The following RIF1 variants were observed in gnomAD, a reference collection of about 807,000 sequenced individuals.
RIF1 encodes the protein telomere-associated protein RIF1.
In RIF1, 45 loss-of-function variants were observed where a neutral mutation model predicts 247.1. The observed-to-expected ratio is 0.18, with a 90% CI of 0.14 to 0.23. RIF1 has a LOEUF of 0.23. RIF1 is among the 10% of genes least tolerant of loss of function. The pLI, the probability that RIF1 is intolerant of heterozygous loss-of-function variation, is 1.00. For synonymous variants in RIF1, 1,087 were observed against 978.8 expected, an observed-to-expected ratio of 1.11 and a Z score of -2.06; for missense variants, 2,967 against 2,862.5, an observed-to-expected ratio of 1.04 and a Z score of -0.83.
At chr2:151,472,979 C>T (rs888972668) in intron 34 of RIF1, among the ~76,000 whole-genome samples, 38 of 152,040 alleles carry the variant, frequency 2.5e-4, no homozygotes, top group Admixed American at 2.5e-3. Context: ...TGGTAGAATT[C>T]GGCTGTGAAT....
At position 151,498,292 on chromosome 2, in the gene RIF1, T is replaced by C. The variant is rs1334326344; in HGVS notation, c.*514-1053T>C. 3.2e-6 allele frequency: 5 copies of C among 1,551,458 alleles called. No individual in the cohort carries two copies. The highest frequency in any genetic ancestry group is 2.4e-5 in the South Asian group (2 of 84,064). On this transcript the variant is annotated intron_variant and NMD_transcript_variant, in intron 10 of 13. Coordinates refer to the RIF1 transcript ENST00000454583. ...AGGTTTTCTTGATTGTGTTTGACTC[T>C]CTGCATCTCAGGAGTGATGGGGATT...
At chr2:151,446,330 C>T in intron 19 of RIF1, 96 bp from the exon 20 acceptor site, 1 of 1,086,026 alleles carries the variant, frequency 9.2e-7, no homozygotes, top group Non-Finnish European at 1.3e-6. Flanking sequence ...CTAAATGTTG[C>T]AGTGTTTTTA....
chr2:151,492,037 C>T, intron 9 of RIF1: 5 of 1,530,636 alleles, frequency 3.3e-6, no homozygotes, highest in Non-Finnish European at 4.5e-6. Context: ...GGTAATGCTA[C>T]TTTTGTTCTT....
At chr2:151,453,579 C>CAAAAAAAAAAAAAAAAAAAAAAAAAA (rs59661470) in intron 21 of RIF1, among the ~76,000 whole-genome samples, 1 of 72,920 alleles carries the variant, frequency 1.4e-5, no homozygotes. Flanking sequence ...GACTCTGTCT[C>CAAAAAAAAAAAAAAAAAAAAAAAAAA]AAAAAAAAAA....
chr2:151,436,833 C>G lies in RIF1; in HGVS notation c.1202C>G (p.Ser401Cys). 6.4e-7 allele frequency: 1 copy of G among 1,559,778 alleles called. No homozygotes were observed. The highest frequency in any genetic ancestry group is 1.2e-5 in the South Asian group (1 of 81,636). Reference protein sequence around the residue: ...NPMTPVHKGASSPYGAPGTPR... With the variant: ...NPMTPVHKGACSPYGAPGTPR... The stretch of plus-strand genomic sequence containing the variant: ...TTTTTTTTTTTTCTTAAAGGTGCTT[C>G]CTCCCCGTACGGAGCCCCGGGAACT... Residue 401 changes from serine (S) to cysteine (C), a missense_variant, in exon 12 of 36, where the codon TCC becomes TGC. By Grantham distance (112) the Ser-to-Cys change is moderately radical. Around this residue, in one of 7 missense-constraint regions of RIF1, gnomAD observed 369 missense variants for 322.0 expected, o/e 1.15. Coordinates refer to ENST00000444746, the MANE Select transcript of RIF1 (RefSeq NM_018151.5).
In RIF1 at chr2:151,477,756, C is replaced by G. The variant is rs1215472153; in HGVS notation, c.*2685C>G. 2.0e-5 allele frequency: 3 copies of G among 151,228 alleles called. No homozygotes were observed. Among genetic ancestry groups the G allele is most frequent in the Non-Finnish European group, 4.4e-5 (3 of 68,134 alleles). 9.4% of individuals were successfully genotyped at this position (151,228 alleles called of 1,614,324 possible). A position where few individuals can be genotyped will look rare whatever the true frequency, so the allele number is the denominator to read the frequency against. On this transcript the variant is annotated 3_prime_UTR_variant, in exon 36 of 36. Coordinates refer to ENST00000444746, the MANE Select transcript of RIF1 (RefSeq NM_018151.5). ...GGAGTTTTCGCCCTTGCTGCCCAGG[C>G]TGGAGTGCAGTGGTACGATCTCAGC...
chr2:151,531,870 T>C, the RIF1 span: 1 of 1,599,142 alleles, frequency 6.3e-7, no homozygotes, highest in Non-Finnish European at 8.5e-7. Context: ...TGTCCTTTGA[T>C]TTTTCATAGT....
At chr2:151,450,032 G>A (rs1193164613) in intron 20 of RIF1, among the ~76,000 whole-genome samples, 1 of 151,844 alleles carries the variant, frequency 6.6e-6, no homozygotes, top group Non-Finnish European at 1.5e-5. Context: ...GTAGAGACGG[G>A]GTTTCTCCAT....
At chr2:151,415,498 G>A (rs1245073275) in intron 4 of RIF1, among the ~76,000 whole-genome samples, 1 of 145,538 alleles carries the variant, frequency 6.9e-6, no homozygotes, top group Non-Finnish European at 1.5e-5. Context: ...GGAGGCTGAG[G>A]CAGGAGAATG....
intron 26 of RIF1, among the ~76,000 whole-genome samples, chr2:151,460,515 GAC>G (rs1314157418): frequency 4.7e-5 from 4 of 84,320 alleles, no homozygotes; most frequent in African/African-American, 1.5e-4. Flanking sequence ...GCCTAGATAA[GAC>G]ACCTATGTTC....
rs36020810 is a variant in RIF1, at chr2:151,418,968, CTTTT to C, written c.504-1202_504-1199del. ...ATCCTTATTCTAGGAGCCTTAAATT[CTTTT>C]TTTTTTTTTTTTTTTTTTTAACTTT... On this transcript the variant is annotated intron_variant, in intron 6 of 35. Coordinates refer to ENST00000444746, the MANE Select transcript of RIF1 (RefSeq NM_018151.5). Among the ~76,000 whole-genome samples, 356 of 111,732 alleles carry C rather than the reference CTTTT, an allele frequency of 3.2e-3. 7 individuals are homozygous for C. The East Asian group carries it at 0.053, about 17-fold the overall frequency. The allele number at this position is 111,732 out of a possible 152,430, so 73.3% of individuals were successfully genotyped here.
chr2:151,446,587 C>T lies in RIF1; in HGVS notation c.2244+12C>T, dbSNP rs144560875. On this transcript the variant is annotated intron_variant, in intron 20 of 35. Coordinates refer to ENST00000444746, the MANE Select transcript of RIF1 (RefSeq NM_018151.5). ...ATGAAGGCTTTTCTGTGAGTTTGTC[C>T]TGATGCTACCTTTTTTTGTTTGTTT... 1.2e-6 allele frequency: 2 copies of T among 1,602,432 alleles called. No individual in the cohort carries two copies. The highest frequency in any genetic ancestry group is 1.4e-5 in the African/African-American group (1 of 74,064).
chr2:151,498,869 A>G (rs2062234545), intron 10 of RIF1, among the ~76,000 whole-genome samples: 1 of 145,436 alleles, frequency 6.9e-6, no homozygotes. Flanking sequence ...TTTAAGGCAA[A>G]TGGAGAGCAA....
At chr2:151,443,174 A>G in intron 16 of RIF1, 85 bp from the exon 17 acceptor site, 1 of 891,090 alleles carries the variant, frequency 1.1e-6, no homozygotes, top group African/African-American at 1.7e-5. Context: ...ATGCTAAAAC[A>G]ATTTTATTTC....
rs1234247858 is a variant in RIF1, at chr2:151,507,170, A to G, written c.*1028-559A>G. 8.8e-6 allele frequency: 5 copies of G among 567,784 alleles called. No individual in the cohort carries two copies. In the East Asian group the frequency reaches 1.5e-4, roughly 17 times the overall value. The allele number at this position is 567,784 out of a possible 1,614,324, so 35.2% of individuals were successfully genotyped here. A position where few individuals can be genotyped will look rare whatever the true frequency, so the allele number is the denominator to read the frequency against. On this transcript the variant is annotated intron_variant and NMD_transcript_variant, in intron 13 of 13. Coordinates refer to the RIF1 transcript ENST00000454583. Reference sequence around the variant, plus strand: ...GGTAGCCCAAGGGAAATTATTTGATAAGAATTTTGTGGAGAAACTAATTTT... The same window carrying G: ...GGTAGCCCAAGGGAAATTATTTGATGAGAATTTTGTGGAGAAACTAATTTT...
chr2:151,511,792 G>C (rs1333704372), downstream of RIF1, among the ~76,000 whole-genome samples: 1 of 152,002 alleles, frequency 6.6e-6, no homozygotes, highest in East Asian at 1.9e-4. Context: ...GGGGAGTCAG[G>C]GGTTAGACTG....
chr2:151,438,474 GA>G (rs1691655300), intron 13 of RIF1, among the ~76,000 whole-genome samples: 1 of 152,018 alleles, frequency 6.6e-6, no homozygotes, highest in Non-Finnish European at 1.5e-5. Flanking sequence ...GACCCTGTCT[GA>G]AAAAAATAAA....
At chr2:151,447,871 T>C (rs1693597961) in intron 20 of RIF1, among the ~76,000 whole-genome samples, 2 of 152,054 alleles carry the variant, frequency 1.3e-5, no homozygotes, top group South Asian at 2.1e-4. Context: ...GACATTTTGT[T>C]TTTTTCTATT....
the RIF1 span, chr2:151,514,304 A>C: frequency 6.4e-7 from 1 of 1,554,646 alleles, no homozygotes; most frequent in East Asian, 2.2e-5. Context: ...GCAGGCAGTC[A>C]GCTGTGGGCC....
Sources: gnomAD v4.1 joint callset for allele counts (sites outside exome capture counted in the v4.1 genomes callset) on GRCh38, gnomAD v4.1.1 for gene constraint, gnomAD v4.1.1 regional missense constraint, MANE v1.5 for transcripts, NCBI Gene and HGNC (gene_info 2026-07-23, HGNC 2026-07-21) for gene names.